The following CLTCL1 variants were observed in gnomAD, a reference collection of about 807,000 sequenced individuals.
CLTCL1 encodes the protein clathrin heavy chain like 1, also known as clathrin heavy chain 2.
CLTCL1 carries 159 observed loss-of-function variants against 190.0 expected under a neutral mutation model. That is an observed-to-expected ratio of 0.84 (90% CI 0.74 to 0.95). The LOEUF (loss-of-function observed/expected upper bound fraction) is 0.95. CLTCL1 is among the 40% of genes least tolerant of loss of function. The pLI is 0.00. For synonymous variants in CLTCL1, 752 were observed against 769.6 expected, an observed-to-expected ratio of 0.98 and a Z score of 0.38; for missense variants, 1,878 against 2,033.4, an observed-to-expected ratio of 0.92 and a Z score of 1.47.
intron 26 of CLTCL1, 57 bp from the exon 27 acceptor site, chr22:19,191,492 C>A: frequency 6.3e-7 from 1 of 1,594,598 alleles, no homozygotes; most frequent in Admixed American, 1.7e-5. Context: ...TACCCCAGGG[C>A]TCCTTCCAGT....
At chr22:19,240,011 C>T (rs1312511950) in intron 4 of CLTCL1, among the ~76,000 whole-genome samples, 4 of 149,960 alleles carry the variant, frequency 2.7e-5, no homozygotes, top group Non-Finnish European at 5.9e-5. Context: ...TGCAGTGGCG[C>T]GATCTCAGCT....
At chr22:19,232,634 G>A in intron 9 of CLTCL1, 36 bp from the exon 10 acceptor site, 1 of 1,582,382 alleles carries the variant, frequency 6.3e-7, no homozygotes, top group African/African-American at 1.4e-5. Context: ...GAAAATCAAT[G>A]AAAAACCCTG....
chr22:19,281,850 A>C (rs1245154917), intron 1 of CLTCL1, among the ~76,000 whole-genome samples: 1 of 152,202 alleles, frequency 6.6e-6, no homozygotes, highest in Non-Finnish European at 1.5e-5. Flanking sequence ...TAGCTGAGTC[A>C]AGTTCCTTAT....
intron 2 of CLTCL1, among the ~76,000 whole-genome samples, chr22:19,256,883 AT>A (rs1336850783): frequency 1.3e-5 from 2 of 152,194 alleles, no homozygotes; most frequent in Non-Finnish European, 2.9e-5. Flanking sequence ...GACATAACAA[AT>A]TTGGAAAAGA....
chr22:19,264,128 T>C (rs2087043461), intron 2 of CLTCL1, among the ~76,000 whole-genome samples: 2 of 151,948 alleles, frequency 1.3e-5, no homozygotes, highest in Admixed American at 6.6e-5. Flanking sequence ...ACCCTGTCTC[T>C]ACAAAGAAAA....
intron 11 of CLTCL1, among the ~76,000 whole-genome samples, chr22:19,228,183 G>A (rs1001078702): frequency 4.6e-5 from 7 of 152,250 alleles, no homozygotes; most frequent in Non-Finnish European, 8.8e-5. Context: ...TAGGGCTTTA[G>A]AACATCTAGC....
At chr22:19,270,486 G>A (rs868918366) in intron 2 of CLTCL1, among the ~76,000 whole-genome samples, 1 of 151,788 alleles carries the variant, frequency 6.6e-6, no homozygotes, top group Middle Eastern at 3.4e-3. Context: ...CCAGCACTTT[G>A]GGAGGCTGAG....
intron 20 of CLTCL1, among the ~76,000 whole-genome samples, chr22:19,209,582 A>G (rs1189658728): frequency 6.6e-6 from 1 of 152,240 alleles, no homozygotes; most frequent in Non-Finnish European, 1.5e-5. Flanking sequence ...TGGCAGTATC[A>G]GCTGCCCCCT....
Position 19,208,143 on chromosome 22 carries a change from G to T in CLTCL1, c.3600+11C>A. 1.2e-6 allele frequency: 2 copies of T among 1,613,772 alleles called. No homozygotes were observed. The highest frequency in any genetic ancestry group is 1.7e-6 in the Non-Finnish European group (2 of 1,179,830). On this transcript the variant is annotated intron_variant, in intron 22 of 32. Coordinates refer to ENST00000427926, the MANE Select transcript of CLTCL1 (RefSeq NM_007098.4). ...ACTGGCAGTGCACAGCCCCCAGGGG[G>T]CATGGCCTACCTGCTGGATGTGGGC...
At chr22:19,274,781 G>A (rs1231387411) in intron 2 of CLTCL1, among the ~76,000 whole-genome samples, 1 of 149,756 alleles carries the variant, frequency 6.7e-6, no homozygotes, top group East Asian at 2.0e-4. Flanking sequence ...CCAGGCTGGA[G>A]TGCAATGGCG....
In CLTCL1 at chr22:19,180,024, C is replaced by A; in HGVS notation, c.*21-55G>T. 6 of 618,150 alleles carry A rather than the reference C, an allele frequency of 9.7e-6. No homozygotes were observed. In the South Asian group the frequency reaches 1.2e-4, roughly 12 times the overall value. 38.3% of individuals were successfully genotyped at this position (618,150 alleles called of 1,614,324 possible). On this transcript the variant is annotated intron_variant, in intron 32 of 32. Transcript: ENST00000427926. ...AGCTCTTCCTGCCCATGGGGGTCCT[C>A]TCCTGGCTGCCCCTGAGTAGCCCGG...
intron 14 of CLTCL1, among the ~76,000 whole-genome samples, chr22:19,223,238 ACCACAATCATGCCTC>A (rs1555953684): frequency 6.6e-6 from 1 of 152,106 alleles, no homozygotes; most frequent in African/African-American, 2.4e-5. Context: ...GCCACAGGCC[ACCACAATCATGCCTC>A]CCCTCATGTG....
chr22:19,285,637 A>G (rs1245503584), intron 1 of CLTCL1, among the ~76,000 whole-genome samples: 1 of 152,212 alleles, frequency 6.6e-6, no homozygotes, highest in African/African-American at 2.4e-5. Context: ...GCCTGCCAAG[A>G]GTGATGGTCA....
At chr22:19,249,991 C>A in intron 3 of CLTCL1, 1 of 337,452 alleles carries the variant, frequency 3.0e-6, no homozygotes, top group South Asian at 2.3e-5. Flanking sequence ...CGGTGGCTCA[C>A]ACCTGTAATC....
intron 14 of CLTCL1, among the ~76,000 whole-genome samples, 194 bp from the exon 15 acceptor site, chr22:19,223,003 A>G (rs1555953565): frequency 3.3e-5 from 5 of 152,220 alleles, no homozygotes; most frequent in African/African-American, 1.2e-4. Context: ...AGAGAAAGAT[A>G]TTAGTATTTG....
intron 5 of CLTCL1, among the ~76,000 whole-genome samples, chr22:19,238,282 G>T (rs1555963256): frequency 6.6e-6 from 1 of 152,120 alleles, no homozygotes. Context: ...TAGAGACGGG[G>T]TTTCACCATG....
At chr22:19,280,616 C>T (rs369473648) in intron 1 of CLTCL1, among the ~76,000 whole-genome samples, 5 of 151,468 alleles carry the variant, frequency 3.3e-5, no homozygotes, top group African/African-American at 1.2e-4. Flanking sequence ...GTCAGGAGAT[C>T]GAGACCAGCC....
chr22:19,191,523 A>T, intron 26 of CLTCL1, 88 bp from the exon 27 acceptor site: 1 of 1,518,728 alleles, frequency 6.6e-7, no homozygotes, highest in East Asian at 2.3e-5. Context: ...ATGACACTTT[A>T]CTACTGAGGC....
chr22:19,256,616 C>T (rs1368516566), intron 2 of CLTCL1, among the ~76,000 whole-genome samples: 5 of 151,936 alleles, frequency 3.3e-5, no homozygotes, highest in African/African-American at 1.2e-4. Flanking sequence ...CCTCAGCCTC[C>T]CAAAGTGCTG....
Sources: gnomAD v4.1 joint callset for allele counts (sites outside exome capture counted in the v4.1 genomes callset) on GRCh38, gnomAD v4.1.1 for gene constraint, MANE v1.5 for transcripts, NCBI Gene and HGNC (gene_info 2026-07-23, HGNC 2026-07-21) for gene names.